The following RMDN2 variants were observed in gnomAD, a reference collection of about 807,000 sequenced individuals.
The protein encoded by RMDN2 is regulator of microtubule dynamics protein 2.
In RMDN2, 61 loss-of-function variants were observed where a neutral mutation model predicts 52.8. That is an observed-to-expected ratio of 1.16 (90% CI 0.94 to 1.43). The LOEUF (loss-of-function observed/expected upper bound fraction) is 1.43. Among genes scored for constraint, RMDN2 ranks in the 40% most tolerant of loss-of-function variants. The pLI, the probability that RMDN2 is intolerant of heterozygous loss-of-function variation, is 0.00. For synonymous variants in RMDN2, 180 were observed against 153.1 expected (o/e 1.18, Z -1.30); for missense variants, 592 against 475.3 (o/e 1.25, Z -2.28).
chr2:37,973,944 A>C, intron 2 of RMDN2, 96 bp from the exon 3 acceptor site: 1 of 973,678 alleles, frequency 1.0e-6, no homozygotes, highest in East Asian at 2.6e-5. Context: ...AGTTTCAAGC[A>C]TAAGAGGGGC....
intron 10 of RMDN2, among the ~76,000 whole-genome samples, chr2:38,063,992 G>A (rs1311965660): frequency 6.6e-6 from 1 of 152,104 alleles, no homozygotes; most frequent in Non-Finnish European, 1.5e-5. Flanking sequence ...GTGTATGTGT[G>A]TGTGTGTATA....
chr2:37,968,912 A>G (rs1372263438), intron 2 of RMDN2, among the ~76,000 whole-genome samples: 3 of 152,238 alleles, frequency 2.0e-5, no homozygotes, highest in East Asian at 3.8e-4. Flanking sequence ...AATTTTCTCA[A>G]TAATGCATGG....
chr2:37,959,955 T>G (rs1166587004), intron 2 of RMDN2, among the ~76,000 whole-genome samples: 1 of 151,350 alleles, frequency 6.6e-6, no homozygotes, highest in African/African-American at 2.5e-5. Flanking sequence ...GTTGTGCAGT[T>G]TTGAGTGAGT....
At chr2:37,962,852 C>T (rs61643091) in intron 2 of RMDN2, among the ~76,000 whole-genome samples, 59,511 of 151,794 alleles carry the variant, frequency 0.39, 12,646 homozygotes, top group South Asian at 0.52. Context: ...GGGAATCTCG[C>T]GGTCTGCGGG....
At chr2:38,022,783 TA>T (rs1324170954) in intron 10 of RMDN2, among the ~76,000 whole-genome samples, 3 of 152,246 alleles carry the variant, frequency 2.0e-5, no homozygotes. Context: ...ATAATATTTT[TA>T]TACTTTTCGA....
intron 10 of RMDN2, among the ~76,000 whole-genome samples, chr2:38,011,582 A>C (rs1219745778): frequency 6.6e-6 from 1 of 152,196 alleles, no homozygotes; most frequent in African/African-American, 2.4e-5. Context: ...GCCTTCTAGG[A>C]GCCTATAGCC....
intron 2 of RMDN2, among the ~76,000 whole-genome samples, chr2:37,934,176 T>G (rs1267191312): frequency 6.6e-6 from 1 of 152,262 alleles, no homozygotes; most frequent in Non-Finnish European, 1.5e-5. Flanking sequence ...TTTCTAATAC[T>G]ACTTGTTTCA....
intron 10 of RMDN2, among the ~76,000 whole-genome samples, chr2:38,063,341 T>C (rs996143423): frequency 2.0e-5 from 3 of 152,320 alleles, no homozygotes; most frequent in Non-Finnish European, 4.4e-5. Context: ...CTCATTGTGG[T>C]TTTGATTTGC....
intron 2 of RMDN2, among the ~76,000 whole-genome samples, chr2:37,972,291 T>C (rs1671908377): frequency 6.6e-6 from 1 of 152,110 alleles, no homozygotes; most frequent in Non-Finnish European, 1.5e-5. Flanking sequence ...AATAAGAAGA[T>C]TACATTTGAA....
intron 2 of RMDN2, among the ~76,000 whole-genome samples, chr2:37,970,836 C>T (rs1671717160): frequency 1.3e-5 from 2 of 151,928 alleles, no homozygotes; most frequent in African/African-American, 4.8e-5. Context: ...CATAAAGCTC[C>T]ATCTTTTAAA....
At chr2:38,047,397 A>C (rs185315787) in intron 10 of RMDN2, among the ~76,000 whole-genome samples, 1 of 152,386 alleles carries the variant, frequency 6.6e-6, no homozygotes, top group African/African-American at 2.4e-5. Context: ...ACATTAAAAA[A>C]GTAGTATATC....
chr2:37,996,748 A>G (rs539507231), intron 7 of RMDN2, among the ~76,000 whole-genome samples: 1 of 152,306 alleles, frequency 6.6e-6, no homozygotes, highest in East Asian at 1.9e-4. Flanking sequence ...ATCTTTTAGA[A>G]TGAACATCTA....
intron 10 of RMDN2, among the ~76,000 whole-genome samples, chr2:38,026,533 T>G (rs1392110130): frequency 6.6e-6 from 1 of 152,178 alleles, no homozygotes; most frequent in East Asian, 1.9e-4. Flanking sequence ...ACTTTGGGTT[T>G]TATTTACGCT....
intron 2 of RMDN2, among the ~76,000 whole-genome samples, chr2:37,941,853 G>C (rs1271649460): frequency 6.6e-6 from 1 of 151,900 alleles, no homozygotes; most frequent in Non-Finnish European, 1.5e-5. Context: ...GATCCGCTGA[G>C]CTAGGCCACT....
intron 2 of RMDN2, chr2:37,950,438 T>G: frequency 6.2e-7 from 1 of 1,608,078 alleles, no homozygotes; most frequent in Non-Finnish European, 8.5e-7. Flanking sequence ...TGTCATCACA[T>G]TCTGTGTTAT....
chr2:38,025,643 C>G (rs1186228543), intron 10 of RMDN2, among the ~76,000 whole-genome samples: 1 of 151,812 alleles, frequency 6.6e-6, no homozygotes, highest in Admixed American at 6.6e-5. Flanking sequence ...GAGAAGCTCT[C>G]TTTTGTTCTT....
chr2:37,923,454 C>T (rs1666088277), upstream of RMDN2: 1 of 152,162 alleles, frequency 6.6e-6, no homozygotes, highest in African/African-American at 2.4e-5. Flanking sequence ...GTGAACAACT[C>T]AGTGGGCTCC....
intron 10 of RMDN2, among the ~76,000 whole-genome samples, chr2:38,060,098 ATTTTATTTTATTTTATTTTAT>A (rs1681985342): frequency 2.8e-5 from 4 of 140,666 alleles, no homozygotes; most frequent in African/African-American, 9.0e-5. Context: ...ATTTTATTTT[ATTTTATTTTATTTTATTTTAT>A]TTTTTTTAGT....
chr2:38,057,280 G>T (rs1043164234), intron 10 of RMDN2, among the ~76,000 whole-genome samples: 1 of 152,218 alleles, frequency 6.6e-6, no homozygotes, highest in Admixed American at 6.5e-5. Flanking sequence ...CAACTCTGCT[G>T]CTGTAGTACA....
Sources: gnomAD v4.1 joint callset for allele counts (sites outside exome capture counted in the v4.1 genomes callset) on GRCh38, gnomAD v4.1.1 for gene constraint, MANE v1.5 for transcripts, NCBI Gene and HGNC (gene_info 2026-07-23, HGNC 2026-07-21) for gene names.